The following NFATC2 variants were observed in gnomAD, a reference collection of about 807,000 sequenced individuals.
NFATC2 encodes the protein nuclear factor of activated T cells 2.
In NFATC2, 22 loss-of-function variants were observed where a neutral mutation model predicts 87.3. The observed-to-expected ratio is 0.25, with a 90% CI of 0.18 to 0.36. The LOEUF is 0.36. Among genes scored for constraint, NFATC2 ranks in the 10% least tolerant of loss-of-function variants. The pLI, the probability that NFATC2 is intolerant of heterozygous loss-of-function variation, is 1.00. For synonymous variants in NFATC2, 565 were observed against 542.2 expected (o/e 1.04, Z -0.58); for missense variants, 1,149 against 1,259.1 (o/e 0.91, Z 1.32).
At position 51,516,850 on chromosome 20, in the gene NFATC2, G is replaced by C; in HGVS notation, c.1266C>G (p.Ala422=). Reference sequence around the variant, plus strand: ...CTCGGCTGCCTTCTGTCTCATAGTGGGCCCGGTGATGTGGCTTGGGCTGCA... The same window carrying C: ...CTCGGCTGCCTTCTGTCTCATAGTGCGCCCGGTGATGTGGCTTGGGCTGCA... ...IEVQPKPHHR[A]HYETEGSRGA... is the part of the protein sequence containing the mutation. Residue 422 remains alanine (A), a synonymous_variant, in exon 3 of 11, where the codon GCC becomes GCG. Coordinates refer to ENST00000371564, the MANE Select transcript of NFATC2 (RefSeq NM_012340.5). The C allele has an allele frequency of 6.2e-7, 1 of 1,614,138 alleles. No individual in the cohort carries two copies. The highest frequency in any genetic ancestry group is 1.1e-5 in the South Asian group (1 of 91,084).
intron 2 of NFATC2, among the ~76,000 whole-genome samples, chr20:51,520,415 G>A (rs2076424780): frequency 6.7e-6 from 1 of 150,242 alleles, no homozygotes; most frequent in African/African-American, 2.4e-5. Flanking sequence ...TGTACCAGGA[G>A]TTAGTCTTGA....
At chr20:51,451,107 G>C (rs999416602) in intron 6 of NFATC2, among the ~76,000 whole-genome samples, 9 of 152,294 alleles carry the variant, frequency 5.9e-5, no homozygotes, top group African/African-American at 2.2e-4. Context: ...AAACCACTCA[G>C]TCAACAGAGC....
At chr20:51,424,509 G>A (rs185466073) in intron 9 of NFATC2, among the ~76,000 whole-genome samples, 30 of 152,240 alleles carry the variant, frequency 2.0e-4, no homozygotes, top group African/African-American at 6.7e-4. Flanking sequence ...TCATTCTTAC[G>A]GTAACCCAGA....
In NFATC2 at chr20:51,454,696, CAA is replaced by C; in HGVS notation, c.1709-10_1709-9del. 5 of 1,613,428 alleles carry C rather than the reference CAA, an allele frequency of 3.1e-6. No homozygotes were observed. Among genetic ancestry groups the C allele is most frequent in the Non-Finnish European group, 3.4e-6 (4 of 1,179,842 alleles). On this transcript the variant is annotated splice_polypyrimidine_tract_variant and intron_variant, in intron 5 of 10. Transcript: ENST00000371564. ...CGTGAGCAGATCGCTGGGCTGCAGG[CAA>C]AAGAGAGAGAAGTCACTGTGATAAG...
intron 2 of NFATC2, among the ~76,000 whole-genome samples, chr20:51,521,258 G>T (rs950527390): frequency 6.6e-6 from 1 of 152,198 alleles, no homozygotes; most frequent in Admixed American, 6.5e-5. Context: ...AGGGCCCGAG[G>T]CCACCCTCAA....
chr20:51,388,491 C>T lies in NFATC2; in HGVS notation c.*3005G>A, dbSNP rs550042225. 8.3e-6 allele frequency: 1 copy of T among 120,526 alleles called. No individual in the cohort carries two copies. Among genetic ancestry groups the T allele is most frequent in the South Asian group, 2.6e-4 (1 of 3,902 alleles). The allele number at this position is 120,526 out of a possible 1,614,324, so 7.5% of individuals were successfully genotyped here. ...ATGAGTAACAAATGTTTCAAGAATACATCATTTCTCTTAAGAAAAAAAAAT... is the reference window on the plus strand; with the variant it reads ...ATGAGTAACAAATGTTTCAAGAATATATCATTTCTCTTAAGAAAAAAAAAT... On this transcript the variant is annotated 3_prime_UTR_variant, in exon 11 of 11. Transcript: ENST00000371564.
chr20:51,468,173 G>A (rs1291153189), intron 5 of NFATC2, among the ~76,000 whole-genome samples: 4 of 152,286 alleles, frequency 2.6e-5, no homozygotes, highest in East Asian at 1.9e-4. Context: ...TTGAGGAGGC[G>A]GCCTTGGCTG....
chr20:51,435,454 A>C, intron 7 of NFATC2, 140 bp from the exon 8 acceptor site: 1 of 1,290,414 alleles, frequency 7.7e-7, no homozygotes, highest in Non-Finnish European at 1.1e-6. Context: ...GTTCAATTTC[A>C]GGGGAATTTA....
intron 1 of NFATC2, among the ~76,000 whole-genome samples, chr20:51,529,349 C>G (rs2146750167): frequency 7.7e-6 from 1 of 129,458 alleles, no homozygotes; most frequent in Non-Finnish European, 1.7e-5. Flanking sequence ...TTCATTAATC[C>G]AAGCGGCAGT....
rs1190710953 is a variant in NFATC2 at position 51,523,214 on chromosome 20, G to C, written c.1027C>G (p.Arg343Gly). Residue 343 changes from arginine to glycine, a missense_variant, in exon 2 of 11, where the codon CGC becomes GGC. Transcript: ENST00000371564. The surrounding 1 kb of genome is among the most constrained non-coding windows in gnomAD (Gnocchi z 6.9). ...SAAPSKAGLP[R>G]HIYPAVEFLG... ...AACTCCACGGCCGGGTAGATGTGGC[G>C]AGGCAGGCCGGCCTTGGATGGGGCG... 5.0e-6 allele frequency: 8 copies of C among 1,613,814 alleles called. No homozygotes were observed. The highest frequency in any genetic ancestry group is 1.3e-5 in the African/African-American group (1 of 74,940).
chr20:51,488,036 G>A (rs1989865921), intron 3 of NFATC2, among the ~76,000 whole-genome samples: 1 of 152,074 alleles, frequency 6.6e-6, no homozygotes, highest in Admixed American at 6.5e-5. Context: ...GGAACAAGGG[G>A]CCCGTTCTTA....
intron 1 of NFATC2, among the ~76,000 whole-genome samples, chr20:51,540,270 C>T (rs1438990178): frequency 6.6e-6 from 1 of 152,194 alleles, no homozygotes; most frequent in East Asian, 1.9e-4. Flanking sequence ...GCCTCAGCCT[C>T]CCAAAGTGTT....
intron 1 of NFATC2, among the ~76,000 whole-genome samples, chr20:51,541,935 C>T (rs562789598): frequency 5.8e-4 from 89 of 152,170 alleles, no homozygotes; most frequent in African/African-American, 2.1e-3. Flanking sequence ...TCAGCTGCAC[C>T]CCCCTTCCTT....
intron 3 of NFATC2, among the ~76,000 whole-genome samples, chr20:51,505,327 G>C (rs1215318604): frequency 6.6e-6 from 1 of 151,344 alleles, no homozygotes; most frequent in Admixed American, 6.6e-5. Context: ...GCCATTTCCT[G>C]TACTTTTAAA....
At chr20:51,459,565 C>A (rs1455924231) in intron 5 of NFATC2, among the ~76,000 whole-genome samples, 1 of 152,114 alleles carries the variant, frequency 6.6e-6, no homozygotes, top group East Asian at 1.9e-4. Context: ...CTCTCTGTGC[C>A]TCAGTTTCCT....
intron 1 of NFATC2, among the ~76,000 whole-genome samples, chr20:51,527,235 G>T (rs761499324): frequency 3.9e-5 from 6 of 151,990 alleles, no homozygotes; most frequent in Non-Finnish European, 7.4e-5. Context: ...GCTCCTTCCT[G>T]CCCCGGGACC....
At chr20:51,484,111 GC>G (rs1456833245) in intron 3 of NFATC2, among the ~76,000 whole-genome samples, 2 of 147,548 alleles carry the variant, frequency 1.4e-5, no homozygotes, top group East Asian at 2.0e-4. Context: ...CCTCCCTGCT[GC>G]CCCCCATGAC....
At position 51,387,412 on chromosome 20, in the gene NFATC2, C is replaced by T. The variant is rs996798317; in HGVS notation, c.*4084G>A. On this transcript the variant is annotated 3_prime_UTR_variant, in exon 11 of 11. Transcript: ENST00000371564. Reference sequence around the variant, plus strand: ...CTGCATAAAGGTAGAATGTTAATAACCCTTTCACTTCCAGCTCCCAGGACC... The same window carrying T: ...CTGCATAAAGGTAGAATGTTAATAATCCTTTCACTTCCAGCTCCCAGGACC... 2 of 152,210 alleles carry T rather than the reference C, an allele frequency of 1.3e-5. No individual in the cohort carries two copies. The highest frequency in any genetic ancestry group is 4.8e-5 in the African/African-American group (2 of 41,450). 9.4% of individuals were successfully genotyped at this position (152,210 alleles called of 1,614,324 possible).
rs1378818933 is a variant in NFATC2 at position 51,524,360 on chromosome 20, T to C, written c.131-250A>G. Among the ~76,000 whole-genome samples, 2 of 152,020 alleles carry C rather than the reference T, an allele frequency of 1.3e-5. No homozygotes were observed. Among genetic ancestry groups the C allele is most frequent in the African/African-American group, 4.8e-5 (2 of 41,374 alleles). Reference sequence around the variant, plus strand: ...CCCCTGGGCTAAGGGCCTCGAAACTTGGCTTTAAATGAAACCCTTCGGAGA... The same window carrying C: ...CCCCTGGGCTAAGGGCCTCGAAACTCGGCTTTAAATGAAACCCTTCGGAGA... On this transcript the variant is annotated intron_variant, in intron 1 of 10. Transcript: ENST00000371564. The surrounding 1 kb of genome is among the most constrained non-coding windows in gnomAD (Gnocchi z 4.0).
Sources: allele counts gnomAD v4.1 joint callset (sites outside exome capture counted in the v4.1 genomes callset), GRCh38; gene constraint gnomAD v4.1.1; non-coding constraint Gnocchi (gnomAD v3.1); transcripts MANE v1.5; gene names NCBI Gene and HGNC (gene_info 2026-07-23, HGNC 2026-07-21).